The following MAF variants were observed in gnomAD, a reference collection of about 807,000 sequenced individuals.
MAF encodes the protein MAF bZIP transcription factor.
In MAF, 10 loss-of-function variants were observed where a neutral mutation model predicts 22.0. The observed-to-expected ratio is 0.45, with a 90% confidence interval of 0.28 to 0.77. MAF has a LOEUF of 0.77. Ranked by LOEUF, MAF falls within the 30% of genes least tolerant of loss-of-function variation. The probability of loss-of-function intolerance (pLI) is 0.12; values close to 1 mark genes in which losing one functional copy is unlikely to be tolerated. For missense variants in MAF, 544 were observed against 548.4 expected, an observed-to-expected ratio of 0.99 and a Z score of 0.08; for synonymous variants, 337 against 255.8, an observed-to-expected ratio of 1.32 and a Z score of -3.03.
chr16:79,404,546 G>C, the MAF span, among the ~76,000 whole-genome samples: 5 of 152,292 alleles, frequency 3.3e-5, no homozygotes, highest in African/African-American at 1.2e-4. Flanking sequence ...GGTGTCCTGA[G>C]ACCTGCACTT....
At chr16:79,307,261 A>G in the MAF span, among the ~76,000 whole-genome samples, 1 of 152,200 alleles carries the variant, frequency 6.6e-6, no homozygotes, top group Non-Finnish European at 1.5e-5. Context: ...AGCTCCTGCC[A>G]TGAACTCGTA....
At chr16:79,286,961 G>C in the MAF span, among the ~76,000 whole-genome samples, 1 of 152,050 alleles carries the variant, frequency 6.6e-6, no homozygotes, top group African/African-American at 2.4e-5. Flanking sequence ...AAAACAAACA[G>C]ACAAAAAAAC....
chr16:79,442,288 G>A, the MAF span, among the ~76,000 whole-genome samples: 1 of 152,156 alleles, frequency 6.6e-6, no homozygotes, highest in Non-Finnish European at 1.5e-5. Context: ...AATTGGGGAA[G>A]CAACCGAAAG....
chr16:79,288,811 C>A, the MAF span, among the ~76,000 whole-genome samples: 4 of 152,090 alleles, frequency 2.6e-5, no homozygotes, highest in Admixed American at 1.3e-4. Context: ...CTCACTGCAA[C>A]CTCCTCCTCC....
the MAF span, among the ~76,000 whole-genome samples, chr16:79,220,536 C>A: frequency 6.6e-6 from 1 of 152,062 alleles, no homozygotes; most frequent in African/African-American, 2.4e-5. Flanking sequence ...ATCTAGCGAA[C>A]AGATAGATAT....
At chr16:79,244,537 A>G in the MAF span, among the ~76,000 whole-genome samples, 4 of 152,192 alleles carry the variant, frequency 2.6e-5, no homozygotes, top group Non-Finnish European at 5.9e-5. Flanking sequence ...TTCAAGGAGA[A>G]CTACAAACCA....
chr16:79,361,719 G>C, the MAF span, among the ~76,000 whole-genome samples: 1 of 50,538 alleles, frequency 2.0e-5, no homozygotes, highest in African/African-American at 4.8e-5. Flanking sequence ...CAGATTTGGT[G>C]GTCTTTCATC....
the MAF span, among the ~76,000 whole-genome samples, chr16:79,234,909 G>A: frequency 6.5e-4 from 99 of 152,072 alleles, 1 homozygote; most frequent in African/African-American, 2.4e-3. Context: ...TCGCGTTGCT[G>A]GACGCACCCT....
the MAF span, among the ~76,000 whole-genome samples, chr16:79,232,582 G>A: frequency 6.6e-6 from 1 of 151,994 alleles, no homozygotes; most frequent in African/African-American, 2.4e-5. Flanking sequence ...GGACATTTCA[G>A]GCTTAAGCCC....
the MAF span, among the ~76,000 whole-genome samples, chr16:79,213,108 C>T: frequency 1.3e-5 from 2 of 152,288 alleles, no homozygotes; most frequent in South Asian, 2.1e-4. Context: ...TCATGGACAC[C>T]ATGATTTCCA....
chr16:79,232,761 G>A, the MAF span, among the ~76,000 whole-genome samples: 1 of 151,286 alleles, frequency 6.6e-6, no homozygotes, highest in Non-Finnish European at 1.5e-5. Flanking sequence ...GATAGGATTA[G>A]ATAATGCAGA....
the MAF span, among the ~76,000 whole-genome samples, chr16:79,378,030 T>C: frequency 2.0e-5 from 3 of 152,224 alleles, no homozygotes; most frequent in African/African-American, 4.8e-5. Flanking sequence ...TGGTTCCTTA[T>C]GAACTTTAAA....
chr16:79,212,234 T>G, the MAF span: 1 of 1,367,854 alleles, frequency 7.3e-7, no homozygotes, highest in East Asian at 2.5e-5. Context: ...CACTGCTCCT[T>G]GCTGCATTGA....
chr16:79,291,124 T>C, the MAF span, among the ~76,000 whole-genome samples: 20,288 of 152,160 alleles, frequency 0.13, 1,428 homozygotes, highest in Middle Eastern at 0.22. Context: ...GAAGCCCCGC[T>C]TGTGGAAGCC....
the MAF span, among the ~76,000 whole-genome samples, chr16:79,341,122 G>T: frequency 6.6e-6 from 1 of 151,952 alleles, no homozygotes; most frequent in African/African-American, 2.4e-5. Flanking sequence ...GGGCAGGTGT[G>T]GGCACACAGT....
chr16:79,341,982 T>A, the MAF span, among the ~76,000 whole-genome samples: 1 of 152,346 alleles, frequency 6.6e-6, no homozygotes. Flanking sequence ...CTACAACTAT[T>A]ATGAACAACA....
the MAF span, among the ~76,000 whole-genome samples, chr16:79,264,744 A>G: frequency 8.5e-5 from 13 of 152,212 alleles, no homozygotes; most frequent in Admixed American, 2.0e-4. Flanking sequence ...CAAATGTCTA[A>G]CCTCTAGGAA....
chr16:79,317,383 CCT>C, the MAF span, among the ~76,000 whole-genome samples: 1 of 145,108 alleles, frequency 6.9e-6, no homozygotes, highest in Non-Finnish European at 1.5e-5. Context: ...CTTCTTCCTT[CCT>C]CTCTCCCTCT....
the MAF span, among the ~76,000 whole-genome samples, chr16:79,318,725 G>A: frequency 2.6e-5 from 4 of 152,204 alleles, no homozygotes; most frequent in Non-Finnish European, 5.9e-5. Flanking sequence ...ATTTGCACCT[G>A]TTCCCTGAAT....
Sources: gnomAD v4.1 joint callset for allele counts (sites outside exome capture counted in the v4.1 genomes callset) on GRCh38, gnomAD v4.1.1 for gene constraint, MANE v1.5 for transcripts, NCBI Gene and HGNC (gene_info 2026-07-23, HGNC 2026-07-21) for gene names.